Variants in ZMYND8 observed in about 807,000 individuals in gnomAD.
The protein encoded by ZMYND8 is zinc finger MYND-type containing 8, also known as MYND-type zinc finger-containing chromatin reader ZMYND8.
ZMYND8 carries 37 observed loss-of-function variants against 140.8 expected under a neutral mutation model. That is an observed-to-expected ratio of 0.26 (90% confidence interval 0.20 to 0.35). ZMYND8 has a LOEUF of 0.35. ZMYND8 is among the 10% of genes least tolerant of loss of function. The pLI is 1.00. For missense variants in ZMYND8, 1,068 were observed against 1,570.0 expected, an observed-to-expected ratio of 0.68 and a Z score of 5.40; for synonymous variants, 592 against 597.1, an observed-to-expected ratio of 0.99 and a Z score of 0.12.
intron 11 of ZMYND8, among the ~76,000 whole-genome samples, chr20:47,273,126 T>C (rs1259848444): frequency 6.6e-6 from 1 of 152,214 alleles, no homozygotes; most frequent in Non-Finnish European, 1.5e-5. Context: ...TCTTAGTCTG[T>C]AATAGTGGTT....
intron 12 of ZMYND8, among the ~76,000 whole-genome samples, chr20:47,261,349 C>T (rs1252943851): frequency 6.6e-6 from 1 of 152,026 alleles, no homozygotes; most frequent in East Asian, 1.9e-4. Context: ...CCAGCCTGGG[C>T]AACACAGCAA....
intron 14 of ZMYND8, among the ~76,000 whole-genome samples, chr20:47,242,092 C>T (rs1380911700): frequency 1.3e-5 from 2 of 152,204 alleles, no homozygotes; most frequent in Non-Finnish European, 2.9e-5. Context: ...GCTGGGATTA[C>T]AGGCGTGAGC....
At chr20:47,295,335 G>A (rs1401788439) in intron 4 of ZMYND8, among the ~76,000 whole-genome samples, 4 of 152,226 alleles carry the variant, frequency 2.6e-5, no homozygotes, top group African/African-American at 9.6e-5. Context: ...GGAGGCTGCA[G>A]TGAACCATGA....
chr20:47,242,451 T>C (rs1294577680), intron 14 of ZMYND8, among the ~76,000 whole-genome samples: 2 of 152,192 alleles, frequency 1.3e-5, no homozygotes, highest in African/African-American at 4.8e-5. Context: ...AGATGAGGTG[T>C]TGAACTGGGC....
At chr20:47,217,481 T>A (rs2036294201) in intron 21 of ZMYND8, among the ~76,000 whole-genome samples, 1 of 151,700 alleles carries the variant, frequency 6.6e-6, no homozygotes, top group Non-Finnish European at 1.5e-5. Flanking sequence ...GAAGAGGGAG[T>A]TGCTTTCTCA....
intron 2 of ZMYND8, among the ~76,000 whole-genome samples, chr20:47,335,321 T>C (rs1039264958): frequency 2.6e-5 from 4 of 151,874 alleles, no homozygotes; most frequent in Non-Finnish European, 5.9e-5. Context: ...TTTTTTTAAG[T>C]CTATAAAGCG....
intron 13 of ZMYND8, among the ~76,000 whole-genome samples, chr20:47,248,240 G>C (rs559267561): frequency 1.3e-5 from 2 of 152,176 alleles, no homozygotes; most frequent in Non-Finnish European, 2.9e-5. Context: ...AGTGTCCAAG[G>C]AAACACTCAG....
rs559163843 is a variant in ZMYND8, at chr20:47,294,595, A to G, written c.567+71T>C. The G allele has an allele frequency of 2.2e-5, 32 of 1,437,604 alleles. No homozygotes were observed. In the African/African-American group the frequency reaches 4.5e-4, roughly 20 times the overall value. The allele number at this position is 1,437,604 out of a possible 1,614,324, so 89.1% of individuals were successfully genotyped here. On this transcript the variant is annotated intron_variant, in intron 5 of 22. Coordinates refer to ENST00000471951, the MANE Select transcript of ZMYND8 (RefSeq NM_001281775.3). ...AATACATCAGGTACCTAAAAAGCTA[A>G]GCTATTAACAGAACAAAACATATGT...
At chr20:47,216,579 C>T (rs540546672) in intron 21 of ZMYND8, among the ~76,000 whole-genome samples, 9 of 145,374 alleles carry the variant, frequency 6.2e-5, no homozygotes, top group Non-Finnish European at 1.0e-4. Context: ...GGCCAAGGCA[C>T]GTGAAATCAC....
chr20:47,339,807 G>C (rs779490122), intron 2 of ZMYND8, among the ~76,000 whole-genome samples: 2 of 152,122 alleles, frequency 1.3e-5, no homozygotes, highest in African/African-American at 2.4e-5. Context: ...CATTCTATCT[G>C]TGTGAGCAAA....
chr20:47,233,125 T>G (rs1330413608), intron 16 of ZMYND8, among the ~76,000 whole-genome samples: 2 of 151,582 alleles, frequency 1.3e-5, no homozygotes. Flanking sequence ...CAGGCTAGTC[T>G]CGAACTCCTG....
At chr20:47,242,594 A>C (rs924669841) in intron 14 of ZMYND8, among the ~76,000 whole-genome samples, 1 of 152,160 alleles carries the variant, frequency 6.6e-6, no homozygotes, top group African/African-American at 2.4e-5. Context: ...CTGTCTCCCC[A>C]CCGTAAGGGC....
chr20:47,228,303 G>A (rs1328626324), intron 17 of ZMYND8, among the ~76,000 whole-genome samples: 2 of 152,090 alleles, frequency 1.3e-5, no homozygotes, highest in Non-Finnish European at 2.9e-5. Flanking sequence ...AAATTATCTG[G>A]TTCAAACGTC....
intron 17 of ZMYND8, among the ~76,000 whole-genome samples, chr20:47,229,103 C>T (rs941262540): frequency 6.6e-6 from 1 of 151,544 alleles, no homozygotes; most frequent in Admixed American, 6.6e-5. Context: ...TCAGGCAATC[C>T]TCCTGCCTTA....
intron 2 of ZMYND8, chr20:47,320,020 C>T (rs529135525): frequency 1.6e-4 from 24 of 152,318 alleles, no homozygotes; most frequent in African/African-American, 5.1e-4. Context: ...GGCTGACACC[C>T]GTTGGCACTA....
At chr20:47,239,720 T>A (rs184937041) in intron 14 of ZMYND8, among the ~76,000 whole-genome samples, 3 of 152,310 alleles carry the variant, frequency 2.0e-5, no homozygotes, top group Middle Eastern at 3.4e-3. Context: ...GCGGTACTGA[T>A]AGCCAGGACA....
At chr20:47,214,643 G>A (rs965865505) in intron 21 of ZMYND8, among the ~76,000 whole-genome samples, 3 of 152,100 alleles carry the variant, frequency 2.0e-5, no homozygotes, top group Non-Finnish European at 4.4e-5. Flanking sequence ...ACAGGGGTGT[G>A]TCACCACGCC....
At chr20:47,218,309 T>C (rs2036424606) in intron 21 of ZMYND8, among the ~76,000 whole-genome samples, 2 of 152,176 alleles carry the variant, frequency 1.3e-5, no homozygotes, top group Admixed American at 6.6e-5. Flanking sequence ...TCAAGCCACT[T>C]TGAGGCTCCA....
At chr20:47,292,807 T>C (rs1038503866) in intron 5 of ZMYND8, among the ~76,000 whole-genome samples, 1 of 151,996 alleles carries the variant, frequency 6.6e-6, no homozygotes, top group Admixed American at 6.6e-5. Flanking sequence ...ATCCCAGCAC[T>C]TTGGAAGGCT....
Sources: gnomAD v4.1 joint callset for allele counts (sites outside exome capture counted in the v4.1 genomes callset) on GRCh38, gnomAD v4.1.1 for gene constraint, MANE v1.5 for transcripts, NCBI Gene and HGNC (gene_info 2026-07-23, HGNC 2026-07-21) for gene names.